Variants in DRC11 observed in about 807,000 individuals in gnomAD.
DRC11 encodes the protein dynein regulatory complex subunit 11, also known as IQ and AAA domain-containing protein 1.
the DRC11 span, among the ~76,000 whole-genome samples, chr2:236,327,967 A>AT: frequency 2.0e-5 from 3 of 151,908 alleles, no homozygotes; most frequent in East Asian, 1.9e-4. Context: ...ATGACTATAT[A>AT]TTTTTTTCAC....
the DRC11 span, among the ~76,000 whole-genome samples, chr2:236,452,794 G>A: frequency 2.0e-5 from 3 of 152,052 alleles, 1 homozygote; most frequent in Non-Finnish European, 4.4e-5. This position sits in a 1 kb window ranked among gnomAD's most constrained non-coding sequence, Gnocchi z 4.7. Context: ...GTATTATCTC[G>A]AATTCTCCTC....
the DRC11 span, among the ~76,000 whole-genome samples, chr2:236,499,733 T>C: frequency 6.6e-6 from 1 of 152,344 alleles, no homozygotes; most frequent in Non-Finnish European, 1.5e-5. This position sits in a 1 kb window ranked among gnomAD's most constrained non-coding sequence, Gnocchi z 4.7. Flanking sequence ...CCTGGCCTCC[T>C]GCATTTTCTT....
the DRC11 span, among the ~76,000 whole-genome samples, chr2:236,405,399 C>CT: frequency 3.3e-5 from 5 of 151,398 alleles, no homozygotes; most frequent in Admixed American, 1.3e-4. The surrounding 1 kb of genome is among the most constrained non-coding windows in gnomAD (Gnocchi z 4.6). Flanking sequence ...ACTTTCTTGC[C>CT]TTTTTTTGCA....
chr2:236,313,380 A>G, the DRC11 span, among the ~76,000 whole-genome samples: 2 of 152,230 alleles, frequency 1.3e-5, no homozygotes, highest in East Asian at 3.8e-4. The surrounding 1 kb of genome is among the most constrained non-coding windows in gnomAD (Gnocchi z 4.5). Flanking sequence ...TTACATATAT[A>G]TCAGGCAAAA....
At chr2:236,431,067 T>G in the DRC11 span, among the ~76,000 whole-genome samples, 8 of 152,322 alleles carry the variant, frequency 5.3e-5, no homozygotes, top group Non-Finnish European at 1.0e-4. The surrounding 1 kb of genome is among the most constrained non-coding windows in gnomAD (Gnocchi z 4.2). Context: ...TACTCACCCA[T>G]TTCAAGTGTG....
At chr2:236,373,303 C>A in the DRC11 span, among the ~76,000 whole-genome samples, 1 of 150,712 alleles carries the variant, frequency 6.6e-6, no homozygotes, top group African/African-American at 2.4e-5. Context: ...GACCCCCAGG[C>A]TGCAGTGCAT....
the DRC11 span, among the ~76,000 whole-genome samples, chr2:236,329,370 CAG>C: frequency 6.6e-6 from 1 of 152,260 alleles, no homozygotes. Flanking sequence ...ATGTGCAAAA[CAG>C]GGGGTTATGA....
the DRC11 span, chr2:236,486,764 G>T: frequency 1.9e-6 from 2 of 1,063,734 alleles, no homozygotes; most frequent in Non-Finnish European, 2.8e-6. The surrounding 1 kb of genome is among the most constrained non-coding windows in gnomAD (Gnocchi z 5.7). Flanking sequence ...CTCAGAAGAA[G>T]ACACAGTCTC....
chr2:236,410,288 C>A, the DRC11 span, among the ~76,000 whole-genome samples: 2 of 151,752 alleles, frequency 1.3e-5, no homozygotes, highest in Admixed American at 1.3e-4. Context: ...AATTTCAGCT[C>A]CTGTTATTGG....
the DRC11 span, among the ~76,000 whole-genome samples, chr2:236,354,310 TGTGTGCATGTGTGTGAGTGTATTA>T: frequency 1.3e-4 from 20 of 151,984 alleles, no homozygotes; most frequent in Admixed American, 1.3e-3. Flanking sequence ...TGTGTGCATG[TGTGTGCATGTGTGTGAGTGTATTA>T]GTGTGCATGT....
the DRC11 span, among the ~76,000 whole-genome samples, chr2:236,354,291 GTGTGTACA>G: frequency 1.6e-4 from 24 of 152,184 alleles, no homozygotes; most frequent in East Asian, 4.5e-3. Context: ...GTTTATGTTA[GTGTGTACA>G]TGTGTGCATG....
chr2:236,347,508 C>CTCTATATATGTATATATATATATATA, the DRC11 span, among the ~76,000 whole-genome samples: 1 of 107,494 alleles, frequency 9.3e-6, no homozygotes, highest in Non-Finnish European at 2.2e-5. Flanking sequence ...AAAAACTGTG[C>CTCTATATATGTATATATATATATATA]TATATATATA....
At chr2:236,308,016 C>T in the DRC11 span, among the ~76,000 whole-genome samples, 243 of 152,154 alleles carry the variant, frequency 1.6e-3, no homozygotes, top group African/African-American at 5.6e-3. The surrounding 1 kb of genome is among the most constrained non-coding windows in gnomAD (Gnocchi z 6.0). Flanking sequence ...CAGGCGTCCT[C>T]GTGTGCTTGC....
chr2:236,384,078 G>T, the DRC11 span, among the ~76,000 whole-genome samples: 3 of 151,972 alleles, frequency 2.0e-5, no homozygotes. Context: ...TGGACATTTG[G>T]GTTGGTTCCA....
chr2:236,381,901 C>A, the DRC11 span, among the ~76,000 whole-genome samples: 2 of 152,030 alleles, frequency 1.3e-5, no homozygotes, highest in Non-Finnish European at 2.9e-5. The surrounding 1 kb of genome is among the most constrained non-coding windows in gnomAD (Gnocchi z 5.8). Flanking sequence ...ATGTGGTTTG[C>A]AAATATTTCC....
the DRC11 span, chr2:236,338,532 G>T: frequency 1.4e-6 from 1 of 723,948 alleles, no homozygotes; most frequent in African/African-American, 1.8e-5. Flanking sequence ...TCCTGGGATG[G>T]GTCTCGGAAT....
the DRC11 span, among the ~76,000 whole-genome samples, chr2:236,341,402 G>A: frequency 6.6e-6 from 1 of 152,268 alleles, no homozygotes; most frequent in African/African-American, 2.4e-5. Context: ...CCAGGCGTCT[G>A]CAGGGGGCAG....
chr2:236,310,065 C>T, the DRC11 span, among the ~76,000 whole-genome samples: 3 of 152,192 alleles, frequency 2.0e-5, no homozygotes, highest in South Asian at 4.1e-4. The surrounding 1 kb of genome is among the most constrained non-coding windows in gnomAD (Gnocchi z 5.5). Flanking sequence ...CCACCTTCCT[C>T]ACAAAGAAAA....
chr2:236,464,041 C>G, the DRC11 span, among the ~76,000 whole-genome samples: 1 of 152,200 alleles, frequency 6.6e-6, no homozygotes, highest in Admixed American at 6.5e-5. Flanking sequence ...CACTGGGCAG[C>G]TGACACAATG....
Sources: allele counts gnomAD v4.1 joint callset (sites outside exome capture counted in the v4.1 genomes callset), GRCh38; gene constraint gnomAD v4.1.1; non-coding constraint Gnocchi (gnomAD v3.1); transcripts MANE v1.5; gene names NCBI Gene and HGNC (gene_info 2026-07-23, HGNC 2026-07-21).